SMG1: variants seen among roughly 807,000 people sequenced by gnomAD.
The protein encoded by SMG1 is serine/threonine-protein kinase SMG1.
SMG1 carries 22 observed loss-of-function variants against 419.9 expected under a neutral mutation model. That is an observed-to-expected ratio of 0.05 (90% CI 0.04 to 0.07). The LOEUF is 0.07. Ranked by LOEUF, SMG1 falls within the 10% of genes least tolerant of loss-of-function variation. The pLI, the probability that SMG1 is intolerant of heterozygous loss-of-function variation, is 1.00. For synonymous variants in SMG1, 1,538 were observed against 1,553.5 expected, an observed-to-expected ratio of 0.99 and a Z score of 0.23; for missense variants, 3,185 against 4,342.0, an observed-to-expected ratio of 0.73 and a Z score of 7.49.
At chr16:18,879,326 G>A in intron 11 of SMG1, 169 bp downstream of exon 11, 1 of 601,400 alleles carries the variant, frequency 1.7e-6, no homozygotes, top group Non-Finnish European at 2.9e-6. Flanking sequence ...CATTGCCCAA[G>A]CTGTGCCAGA....
At chr16:18,920,967 A>G (rs2038174539) in intron 1 of SMG1, among the ~76,000 whole-genome samples, 1 of 152,058 alleles carries the variant, frequency 6.6e-6, no homozygotes, top group Non-Finnish European at 1.5e-5. Context: ...GTGAAATCCC[A>G]TCTCCACTAA....
intron 14 of SMG1, 61 bp downstream of exon 14, chr16:18,872,433 C>T (rs1441317776): frequency 1.4e-6 from 2 of 1,479,738 alleles, no homozygotes; most frequent in Admixed American, 2.6e-5. Flanking sequence ...TCTTTAAAAT[C>T]TATCCATTAA....
rs1462068987 is a variant in SMG1 at position 18,828,017 on chromosome 16, C to G, written c.9741+14G>C. 2 of 1,607,242 alleles carry G rather than the reference C, an allele frequency of 1.2e-6. No homozygotes were observed. The highest frequency in any genetic ancestry group is 2.7e-5 in the African/African-American group (2 of 74,756). On this transcript the variant is annotated intron_variant, in intron 55 of 62. Coordinates refer to ENST00000446231, the MANE Select transcript of SMG1 (RefSeq NM_015092.5). ...AAAGAAAATGCCCTGGAAGGAAGAT[C>G]TGGCAAAACACACCTGAACTGTTGC...
rs2034362205 is a variant in SMG1, at chr16:18,847,942, A to G, written c.5715T>C (p.Pro1905=). 5.6e-6 allele frequency: 9 copies of G among 1,614,032 alleles called. No homozygotes were observed. The highest frequency in any genetic ancestry group is 7.6e-6 in the Non-Finnish European group (9 of 1,179,888). ...CATCCTTATTGCTATCCTGAGATGCAGGAGGACTTCCTCCCTCACATTCAG... is the reference window on the plus strand; with the variant it reads ...CATCCTTATTGCTATCCTGAGATGCGGGAGGACTTCCTCCCTCACATTCAG... ...LVSECEGGSP[P]ASQDSNKDEP... Residue 1905 remains proline (P), a synonymous_variant, in exon 37 of 63, where the codon CCT becomes CCC. Transcript: ENST00000446231.
At chr16:18,873,880 C>T (rs1313157164) in intron 13 of SMG1, among the ~76,000 whole-genome samples, 1 of 152,196 alleles carries the variant, frequency 6.6e-6, no homozygotes, top group Non-Finnish European at 1.5e-5. Flanking sequence ...CCACTTTCTC[C>T]TTATTTCTAG....
chr16:18,845,943 G>A (rs35877096), intron 38 of SMG1, among the ~76,000 whole-genome samples: 43 of 151,908 alleles, frequency 2.8e-4, no homozygotes, highest in Non-Finnish European at 4.6e-4. Flanking sequence ...AGCCTCCTGA[G>A]TAGCTGCGAC....
chr16:18,920,910 G>A (rs573251277), intron 1 of SMG1, among the ~76,000 whole-genome samples: 15 of 152,164 alleles, frequency 9.9e-5, no homozygotes, highest in African/African-American at 3.4e-4. Context: ...GGCCGAAGCC[G>A]GTGGATCACC....
intron 59 of SMG1, 41 bp downstream of exon 59, chr16:18,815,399 G>GTTT: frequency 6.2e-7 from 1 of 1,600,264 alleles, no homozygotes; most frequent in Non-Finnish European, 8.6e-7. Flanking sequence ...CAGTAGTTTT[G>GTTT]TACTTATGTT....
At chr16:18,904,472 A>C (rs2037479057) in intron 1 of SMG1, among the ~76,000 whole-genome samples, 1 of 151,112 alleles carries the variant, frequency 6.6e-6, no homozygotes, top group African/African-American at 2.4e-5. Flanking sequence ...GTCTCTACTA[A>C]AATAGAAAAA....
intron 6 of SMG1, among the ~76,000 whole-genome samples, chr16:18,885,973 A>G (rs1167620579): frequency 6.6e-6 from 1 of 152,092 alleles, no homozygotes; most frequent in Non-Finnish European, 1.5e-5. Flanking sequence ...ATAAATAAAT[A>G]AAATAAATTG....
chr16:18,815,435 C>A lies in SMG1; in HGVS notation c.10514+5G>T, dbSNP rs1455729971. On this transcript the variant is annotated splice_donor_5th_base_variant and intron_variant, in intron 59 of 62. Transcript: ENST00000446231. The stretch of plus-strand genomic sequence containing the variant: ...TTATAAATTCTGACCAGAAGGCATT[C>A]TTACCTCTGACTTTGTGTTTTCAGT... 2 of 1,613,632 alleles carry A rather than the reference C, an allele frequency of 1.2e-6. No individual in the cohort carries two copies. The highest frequency in any genetic ancestry group is 1.3e-5 in the African/African-American group (1 of 74,914).
chr16:18,841,711 C>T lies in SMG1; in HGVS notation c.6550G>A (p.Glu2184Lys), dbSNP rs2033938350. ...NTMFATINRQ[E>K]TPRFHARHYS... The stretch of plus-strand genomic sequence containing the variant: ...TGTCGAGCATGGAACCGGGGTGTTT[C>T]TTGGCGATTAATTGTAGCAAACATG... Residue 2184 changes from glutamate (E) to lysine (K), a missense_variant, in exon 41 of 63, where the codon GAA becomes AAA. Glu to Lys is a moderately conservative substitution (Grantham distance 56). Around this residue, in one of 27 missense-constraint regions of SMG1, gnomAD observed 35 missense variants for 33.8 expected, o/e 1.04. Transcript: ENST00000446231. 6.2e-7 allele frequency: 1 copy of T among 1,613,928 alleles called. No individual in the cohort carries two copies. Among genetic ancestry groups the T allele is most frequent in the Non-Finnish European group, 8.5e-7 (1 of 1,179,876 alleles).
intron 45 of SMG1, among the ~76,000 whole-genome samples, chr16:18,837,788 T>C (rs1253330237): frequency 1.3e-5 from 2 of 152,198 alleles, no homozygotes; most frequent in East Asian, 3.8e-4. Context: ...TTTTTTCAAA[T>C]CATGAACCCA....
chr16:18,903,435 T>G (rs1399603678), intron 1 of SMG1, among the ~76,000 whole-genome samples: 1 of 152,218 alleles, frequency 6.6e-6, no homozygotes, highest in Non-Finnish European at 1.5e-5. Flanking sequence ...ACCGGGTTTC[T>G]TTCCTTTCCA....
At chr16:18,855,490 G>A (rs1352744523) in intron 29 of SMG1, among the ~76,000 whole-genome samples, 1 of 151,926 alleles carries the variant, frequency 6.6e-6, no homozygotes, top group Non-Finnish European at 1.5e-5. Context: ...CTGCCAACTG[G>A]TCATCTACAC....
intron 1 of SMG1, among the ~76,000 whole-genome samples, chr16:18,916,868 T>C (rs1384726146): frequency 1.3e-5 from 2 of 152,026 alleles, no homozygotes; most frequent in African/African-American, 4.8e-5. Context: ...CTCAGGGATT[T>C]GTTTTAGGCG....
In SMG1 at chr16:18,830,355, T is replaced by A; in HGVS notation, c.8807A>T (p.Gln2936Leu). 1 of 1,614,014 alleles carries A rather than the reference T, an allele frequency of 6.2e-7. No individual in the cohort carries two copies. Among genetic ancestry groups the A allele is most frequent in the Non-Finnish European group, 8.5e-7 (1 of 1,179,882 alleles). The change falls in exon 52 of 63, where the codon CAG becomes CTG. Residue 2936 changes from glutamine to leucine, a missense_variant. This residue lies in a region of SMG1 where 737 missense variants were observed against 846.6 expected (regional missense o/e 0.87). Coordinates refer to ENST00000446231, the MANE Select transcript of SMG1 (RefSeq NM_015092.5). The stretch of plus-strand genomic sequence containing the variant: ...TCTCGGTTGGATTAATTCACCGTAC[T>A]GAGCATGTAGTAGTCTACAGAAAAA... Reference protein sequence around the residue: ...YIDVARLLHAQYGELIQPRNG... With the variant: ...YIDVARLLHALYGELIQPRNG...
At chr16:18,841,183 T>C (rs1175328741) in intron 41 of SMG1, among the ~76,000 whole-genome samples, 1 of 152,142 alleles carries the variant, frequency 6.6e-6, no homozygotes, top group Non-Finnish European at 1.5e-5. Context: ...GTGGATCACC[T>C]GAGGCCAGGA....
intron 20 of SMG1, 144 bp downstream of exon 20, chr16:18,868,960 G>C: frequency 1.3e-6 from 1 of 765,098 alleles, no homozygotes; most frequent in South Asian, 1.9e-5. Context: ...TTCAATGAAA[G>C]CTTATTCTAA....
Sources: gnomAD v4.1 joint callset for allele counts (sites outside exome capture counted in the v4.1 genomes callset) on GRCh38, gnomAD v4.1.1 for gene constraint, gnomAD v4.1.1 regional missense constraint, MANE v1.5 for transcripts, NCBI Gene and HGNC (gene_info 2026-07-23, HGNC 2026-07-21) for gene names.